EPC1: variants seen among roughly 807,000 people sequenced by gnomAD.
EPC1 encodes enhancer of polycomb 1.
In EPC1, 12 loss-of-function variants were observed where a neutral mutation model predicts 98.4. The ratio of observed to expected loss-of-function variants is 0.12; its 90% CI spans 0.08 to 0.20. The LOEUF is 0.20. Ranked by LOEUF, EPC1 falls within the 10% of genes least tolerant of loss-of-function variation. The pLI is 1.00. For missense variants in EPC1, 729 were observed against 990.5 expected, an observed-to-expected ratio of 0.74 and a Z score of 3.54; for synonymous variants, 357 against 363.9, an observed-to-expected ratio of 0.98 and a Z score of 0.21.
chr10:32,356,172 G>A (rs1488444004), intron 1 of EPC1, among the ~76,000 whole-genome samples: 1 of 152,058 alleles, frequency 6.6e-6, no homozygotes, highest in Non-Finnish European at 1.5e-5. Flanking sequence ...TATAACACGA[G>A]GAAGGAAATT....
chr10:32,368,940 TG>T (rs1391283101), intron 1 of EPC1, among the ~76,000 whole-genome samples: 1 of 152,202 alleles, frequency 6.6e-6, no homozygotes, highest in Non-Finnish European at 1.5e-5. Context: ...AAGAAGAAAC[TG>T]AGGGTCTGGA....
At chr10:32,332,452 A>G (rs981393377) in intron 1 of EPC1, among the ~76,000 whole-genome samples, 3 of 152,222 alleles carry the variant, frequency 2.0e-5, no homozygotes, top group African/African-American at 7.2e-5. Context: ...TGTGACCAAC[A>G]GCACATGGCA....
chr10:32,324,958 C>A (rs994185224), intron 1 of EPC1, among the ~76,000 whole-genome samples: 91 of 152,162 alleles, frequency 6.0e-4, no homozygotes, highest in African/African-American at 2.0e-3. Flanking sequence ...AGAGATCCTG[C>A]CACTGCTCTC....
At chr10:32,285,645 T>G (rs569474970) in intron 9 of EPC1, 1 of 152,418 alleles carries the variant, frequency 6.6e-6, no homozygotes, top group South Asian at 2.1e-4. Flanking sequence ...GCCCAGCTAA[T>G]TTTTGTGTTT....
At chr10:32,288,052 A>T (rs949647412) in intron 6 of EPC1, among the ~76,000 whole-genome samples, 1 of 152,236 alleles carries the variant, frequency 6.6e-6, no homozygotes, top group Non-Finnish European at 1.5e-5. Context: ...GGAAAGAAAA[A>T]GATCACGGCA....
intron 1 of EPC1, among the ~76,000 whole-genome samples, chr10:32,366,977 C>CGTATGTAT (rs368610986): frequency 0.036 from 5,459 of 151,892 alleles, 313 homozygotes; most frequent in African/African-American, 0.12. Context: ...AAACTATGTA[C>CGTATGTAT]GTATGTATGT....
Position 32,318,624 on chromosome 10 carries a change from TC to T in EPC1, c.154-12694del, listed in dbSNP as rs1266919818. On this transcript the variant is annotated intron_variant, in intron 1 of 13. Transcript: ENST00000319778. ...CATGACTCTCCAAATCTGTTCCTCC[TC>T]CTGACCTACGTCAGCAAGTTTCACT... is the stretch of plus-strand genomic sequence containing the variant. 7.6e-4 allele frequency among the ~76,000 whole-genome samples: 115 copies of T among 152,300 alleles called. 1 individual carries two copies. The highest frequency in any genetic ancestry group is 2.8e-3 in the African/African-American group (115 of 41,560).
At position 32,275,192 on chromosome 10, in the gene EPC1, C is replaced by T. The variant is rs539637585; in HGVS notation, c.1745-1911G>A. 7.9e-5 allele frequency among the ~76,000 whole-genome samples: 12 copies of T among 152,322 alleles called. No homozygotes were observed. In the South Asian group the frequency reaches 1.0e-3, roughly 13 times the overall value. ...TTGCTGGCGTGTGTGTTTAATTAAA[C>T]ATTTATCAATAGCTAATTAGAAATC... On this transcript the variant is annotated intron_variant, in intron 10 of 13. Coordinates refer to ENST00000319778, the MANE Select transcript of EPC1 (RefSeq NM_001272004.3).
chr10:32,302,649 C>CAAAAAA (rs59397703), intron 2 of EPC1, among the ~76,000 whole-genome samples: 3 of 117,240 alleles, frequency 2.6e-5, no homozygotes, highest in Admixed American at 9.7e-5. Context: ...GACTCCATCT[C>CAAAAAA]AAAAAAAAAA....
At chr10:32,274,665 C>T (rs1024863796) in intron 10 of EPC1, among the ~76,000 whole-genome samples, 2 of 152,060 alleles carry the variant, frequency 1.3e-5, no homozygotes, top group African/African-American at 4.8e-5. Context: ...GATATCTTCC[C>T]TTTGATGAGC....
At chr10:32,288,885 T>C (rs933663889) in intron 6 of EPC1, among the ~76,000 whole-genome samples, 9 of 151,808 alleles carry the variant, frequency 5.9e-5, no homozygotes, top group African/African-American at 1.9e-4. Context: ...GTCAGGAGAT[T>C]GAGACCATCC....
intron 1 of EPC1, among the ~76,000 whole-genome samples, chr10:32,322,283 C>T (rs1358658269): frequency 6.6e-6 from 1 of 151,992 alleles, no homozygotes; most frequent in Non-Finnish European, 1.5e-5. Context: ...TAACACTTTG[C>T]TTCTATCTTT....
chr10:32,323,946 AT>A (rs1305486567), intron 1 of EPC1, among the ~76,000 whole-genome samples: 1 of 151,898 alleles, frequency 6.6e-6, no homozygotes, highest in African/African-American at 2.4e-5. Context: ...TTTTATTTTT[AT>A]TTTTTTGAGA....
intron 1 of EPC1, among the ~76,000 whole-genome samples, chr10:32,337,686 T>C (rs1243221384): frequency 6.6e-6 from 1 of 152,240 alleles, no homozygotes; most frequent in Non-Finnish European, 1.5e-5. Context: ...AATCATTTGC[T>C]GATCTGGGAG....
At chr10:32,339,507 T>G (rs921755483) in intron 1 of EPC1, among the ~76,000 whole-genome samples, 2 of 152,182 alleles carry the variant, frequency 1.3e-5, no homozygotes, top group Non-Finnish European at 2.9e-5. Flanking sequence ...ATCATGCCAC[T>G]GCACTCCAGC....
At chr10:32,329,483 A>G (rs1023645716) in intron 1 of EPC1, among the ~76,000 whole-genome samples, 2 of 152,266 alleles carry the variant, frequency 1.3e-5, no homozygotes, top group African/African-American at 4.8e-5. Flanking sequence ...GTAAGAGGCA[A>G]GCACACAGAT....
intron 1 of EPC1, among the ~76,000 whole-genome samples, chr10:32,317,995 G>C (rs1029911941): frequency 6.6e-6 from 1 of 152,094 alleles, no homozygotes; most frequent in Non-Finnish European, 1.5e-5. Context: ...CAGACATGAA[G>C]TTTCATTCTG....
intron 1 of EPC1, among the ~76,000 whole-genome samples, chr10:32,353,485 GACA>G (rs1332469749): frequency 6.6e-6 from 1 of 152,176 alleles, no homozygotes; most frequent in Non-Finnish European, 1.5e-5. Context: ...TCTTTGATGG[GACA>G]ACAAGATTAA....
chr10:32,334,941 T>A (rs962796112), intron 1 of EPC1, among the ~76,000 whole-genome samples: 2 of 152,194 alleles, frequency 1.3e-5, no homozygotes, highest in African/African-American at 4.8e-5. Context: ...AGATACTCAA[T>A]ACAACCCTTA....
Sources: allele counts gnomAD v4.1 joint callset (sites outside exome capture counted in the v4.1 genomes callset), GRCh38; gene constraint gnomAD v4.1.1; transcripts MANE v1.5; gene names NCBI Gene and HGNC (gene_info 2026-07-23, HGNC 2026-07-21).